The following KIAA0586 variants were observed in gnomAD, a reference collection of about 807,000 sequenced individuals.
KIAA0586 encodes protein TALPID3.
Under a neutral mutation model 169.8 loss-of-function variants are expected in KIAA0586, and 144 were observed. The observed-to-expected ratio is 0.85, with a 90% CI of 0.74 to 0.97. KIAA0586 has a LOEUF of 0.97. Among genes scored for constraint, KIAA0586 ranks in the 50% least tolerant of loss-of-function variants. The probability of loss-of-function intolerance (pLI) is 0.00; values close to 1 mark genes in which losing one functional copy is unlikely to be tolerated. For synonymous variants in KIAA0586, 625 were observed against 612.4 expected (o/e 1.02, Z -0.30); for missense variants, 1,854 against 1,823.0 (o/e 1.02, Z -0.31).
intron 24 of KIAA0586, 96 bp from the exon 25 acceptor site, chr14:58,490,068 T>C: frequency 1.7e-6 from 1 of 604,554 alleles, no homozygotes; most frequent in Non-Finnish European, 2.8e-6. Flanking sequence ...CATTGCAGTA[T>C]AATTTTGAAT....
intron 30 of KIAA0586, among the ~76,000 whole-genome samples, chr14:58,546,600 T>TTTTG (rs572396165): frequency 5.3e-4 from 80 of 152,280 alleles, no homozygotes; most frequent in African/African-American, 1.8e-3. Flanking sequence ...AAATGAGGAT[T>TTTTG]TTTGTTTGTT....
chr14:58,553,585 GT>G (rs1396803899), downstream of KIAA0586, among the ~76,000 whole-genome samples: 1 of 148,400 alleles, frequency 6.7e-6, no homozygotes, highest in Admixed American at 6.8e-5. Flanking sequence ...TTACAAAGCT[GT>G]CTGCTTGACC....
In KIAA0586 at chr14:58,474,759, TGAGAGAAAAGAAACA is replaced by T. The variant is rs2141025393; in HGVS notation, c.2788_2802del (p.Glu930_Thr934del). On this transcript the variant is annotated inframe_deletion, in exon 19 of 31. Transcript: ENST00000652326. ...CTGCTGATATTCTGGATAAAGTAAT[TGAGAGAAAAGAAACA>T]CTGGAAAATAGCTTAATTCAATGGT... 2 of 1,609,452 alleles carry T rather than the reference TGAGAGAAAAGAAACA, an allele frequency of 1.2e-6. No homozygotes were observed. Among genetic ancestry groups the T allele is most frequent in the Non-Finnish European group, 1.7e-6 (2 of 1,178,654 alleles).
chr14:58,481,591 TTAATGTGCCCATTTTTA>T (rs1055276488), intron 20 of KIAA0586, among the ~76,000 whole-genome samples: 1 of 152,166 alleles, frequency 6.6e-6, no homozygotes, highest in Non-Finnish European at 1.5e-5. Flanking sequence ...ATGAGGGCAT[TTAATGTGCCCATTTTTA>T]TCACTAAATT....
At chr14:58,499,878 G>A (rs1256801531) in intron 27 of KIAA0586, among the ~76,000 whole-genome samples, 1 of 152,128 alleles carries the variant, frequency 6.6e-6, no homozygotes, top group African/African-American at 2.4e-5. Context: ...ATTGTAATAT[G>A]TACTAGAAAA....
In KIAA0586 at chr14:58,456,695, C is replaced by T. The variant is rs371116548; in HGVS notation, c.1254-7C>T. The stretch of plus-strand genomic sequence containing the variant: ...TTCTGTAGCGTTGAAACTCTACCTT[C>T]TCAAAGATTTCCTTCCTGTGAAGAG... On this transcript the variant is annotated splice_polypyrimidine_tract_variant and splice_region_variant and intron_variant, in intron 9 of 30. Coordinates refer to ENST00000652326, the MANE Select transcript of KIAA0586 (RefSeq NM_001329943.3). The T allele has an allele frequency of 1.1e-5, 17 of 1,529,224 alleles. No homozygotes were observed. Among genetic ancestry groups the T allele is most frequent in the South Asian group, 8.3e-5 (7 of 84,616 alleles). The allele number at this position is 1,529,224 out of a possible 1,614,324, so 94.7% of individuals were successfully genotyped here.
At position 58,443,008 on chromosome 14, in the gene KIAA0586, G is replaced by T. The variant is rs1034344175; in HGVS notation, c.585+128G>T. On this transcript the variant is annotated intron_variant, in intron 5 of 30. Coordinates refer to ENST00000652326, the MANE Select transcript of KIAA0586 (RefSeq NM_001329943.3). ...CATTGTAGTTGCTCTCAATTTGAAAGAATTTTCCCATTTGTGGTTGTGTGT... is the reference window on the plus strand; with the variant it reads ...CATTGTAGTTGCTCTCAATTTGAAATAATTTTCCCATTTGTGGTTGTGTGT... The T allele has an allele frequency of 1.2e-5, 8 of 682,058 alleles. No homozygotes were observed. The Admixed American group carries it at 2.3e-4, about 20-fold the overall frequency. 42.3% of individuals were successfully genotyped at this position (682,058 alleles called of 1,614,324 possible). A position where few individuals can be genotyped will look rare whatever the true frequency, so the allele number is the denominator to read the frequency against.
Position 58,507,870 on chromosome 14 carries a change from C to T in KIAA0586, c.4169-685C>T, listed in dbSNP as rs190460563. The stretch of plus-strand genomic sequence containing the variant: ...TGCGATCTCAGCTCAGTGCAACCTC[C>T]GCCTCCTGGGTTCAAGCGATTCTCC... On this transcript the variant is annotated intron_variant, in intron 27 of 30. Transcript: ENST00000652326. Among the ~76,000 whole-genome samples the T allele has an allele frequency of 3.9e-5, 6 of 152,054 alleles. 1 individual carries two copies. The highest frequency in any genetic ancestry group is 3.9e-4 in the East Asian group (2 of 5,172).
At chr14:58,525,915 T>A (rs1177825329) in intron 29 of KIAA0586, among the ~76,000 whole-genome samples, 1 of 152,174 alleles carries the variant, frequency 6.6e-6, no homozygotes, top group African/African-American at 2.4e-5. Flanking sequence ...AGTAGGCGGT[T>A]TTCCCCTCAG....
intron 27 of KIAA0586, among the ~76,000 whole-genome samples, chr14:58,500,711 GTC>G (rs1434970544): frequency 1.6e-5 from 2 of 128,576 alleles, no homozygotes; most frequent in African/African-American, 5.7e-5. Context: ...GCAAGAGCGA[GTC>G]TCTGCCTCAA....
chr14:58,508,045 A>G (rs896067153), intron 27 of KIAA0586, among the ~76,000 whole-genome samples: 1 of 152,102 alleles, frequency 6.6e-6, no homozygotes, highest in Non-Finnish European at 1.5e-5. Flanking sequence ...CAGCTTCCCA[A>G]AGTGCTGGAT....
At chr14:58,467,283 G>T (rs958641655) in intron 15 of KIAA0586, among the ~76,000 whole-genome samples, 3 of 152,118 alleles carry the variant, frequency 2.0e-5, no homozygotes, top group African/African-American at 7.2e-5. Context: ...GAAAACTGAA[G>T]CACAAAAGGG....
intron 30 of KIAA0586, among the ~76,000 whole-genome samples, chr14:58,542,546 A>G (rs953380636): frequency 1.3e-5 from 2 of 152,184 alleles, no homozygotes; most frequent in East Asian, 3.8e-4. Flanking sequence ...TTTTATTGCT[A>G]TAACTTCTTG....
At chr14:58,515,737 G>A (rs1481325375) in intron 29 of KIAA0586, among the ~76,000 whole-genome samples, 1 of 152,112 alleles carries the variant, frequency 6.6e-6, no homozygotes, top group African/African-American at 2.4e-5. Flanking sequence ...ATCCAAATGT[G>A]TAACAAGTGT....
chr14:58,464,642 T>C (rs1017253547), intron 14 of KIAA0586, among the ~76,000 whole-genome samples: 3 of 152,152 alleles, frequency 2.0e-5, no homozygotes, highest in African/African-American at 4.8e-5. Flanking sequence ...GTATACATCA[T>C]AGGAACAGAA....
At chr14:58,476,064 C>G (rs1451419571) in intron 19 of KIAA0586, among the ~76,000 whole-genome samples, 1 of 152,280 alleles carries the variant, frequency 6.6e-6, no homozygotes, top group East Asian at 1.9e-4. Context: ...TGCCACTGCA[C>G]TCCAGACTGG....
rs182847370 is a variant in KIAA0586 at position 58,507,529 on chromosome 14, C to T, written c.4169-1026C>T. ...GCAGTGACTTAATTCCTCTGTGCTT[C>T]TTGCTAGCTCTTTGATTTTGGACAG... is the stretch of plus-strand genomic sequence containing the variant. On this transcript the variant is annotated intron_variant, in intron 27 of 30. Transcript: ENST00000652326. Among the ~76,000 whole-genome samples, 430 of 151,738 alleles carry T rather than the reference C, an allele frequency of 2.8e-3. 4 individuals carry two copies. Among genetic ancestry groups the T allele is most frequent in the African/African-American group, 9.9e-3 (412 of 41,468 alleles).
chr14:58,541,686 A>G (rs1225582667), intron 30 of KIAA0586, among the ~76,000 whole-genome samples: 1 of 152,252 alleles, frequency 6.6e-6, no homozygotes, highest in Non-Finnish European at 1.5e-5. Flanking sequence ...AACAGAAAAC[A>G]TAAAATTTCT....
intron 29 of KIAA0586, among the ~76,000 whole-genome samples, chr14:58,529,392 G>T (rs2045808995): frequency 6.6e-6 from 1 of 152,058 alleles, no homozygotes; most frequent in African/African-American, 2.4e-5. Flanking sequence ...ACCTGGCAGA[G>T]ACACAACAAA....
Sources: allele counts gnomAD v4.1 joint callset (sites outside exome capture counted in the v4.1 genomes callset), GRCh38; gene constraint gnomAD v4.1.1; transcripts MANE v1.5; gene names NCBI Gene and HGNC (gene_info 2026-07-23, HGNC 2026-07-21).